SELENOI: variants seen among roughly 807,000 people sequenced by gnomAD.
SELENOI encodes ethanolaminephosphotransferase 1.
A neutral mutation model predicts 50.7 loss-of-function variants in SELENOI; 24 were observed. The ratio of observed to expected loss-of-function variants is 0.47; its 90% CI spans 0.34 to 0.67. The LOEUF (loss-of-function observed/expected upper bound fraction) is 0.67, where lower values mean the gene tolerates loss of function less well. SELENOI is among the 30% of genes least tolerant of loss of function. The pLI is 0.01. For synonymous variants in SELENOI, 155 were observed against 170.2 expected (o/e 0.91, Z 0.70); for missense variants, 352 against 461.4 (o/e 0.76, Z 2.17).
At chr2:26,346,375 C>G in intron 1 of SELENOI, 86 bp downstream of exon 1, 2 of 1,424,434 alleles carry the variant, frequency 1.4e-6, no homozygotes, top group Non-Finnish European at 9.2e-7. Context: ...TCCGTGTCAC[C>G]TTGTGCCGCG....
At chr2:26,354,068 T>C (rs1160064565) in intron 1 of SELENOI, among the ~76,000 whole-genome samples, 1 of 152,186 alleles carries the variant, frequency 6.6e-6, no homozygotes, top group African/African-American at 2.4e-5. Context: ...TCATAAATAC[T>C]GAATAACAAT....
chr2:26,380,941 A>G (rs1677679639), intron 6 of SELENOI, among the ~76,000 whole-genome samples: 1 of 151,606 alleles, frequency 6.6e-6, no homozygotes, highest in African/African-American at 2.4e-5. Context: ...CATCTCTCAA[A>G]CAGATTTTTT....
chr2:26,354,090 C>A (rs1677015180), intron 1 of SELENOI, among the ~76,000 whole-genome samples: 2 of 152,084 alleles, frequency 1.3e-5, no homozygotes, highest in African/African-American at 4.8e-5. Context: ...ATAATGATAG[C>A]AAACATTTAT....
chr2:26,355,050 G>A (rs780834837), intron 1 of SELENOI, among the ~76,000 whole-genome samples: 1 of 152,186 alleles, frequency 6.6e-6, no homozygotes, highest in Non-Finnish European at 1.5e-5. Flanking sequence ...TCTGTGAAAT[G>A]GAGTAGTACC....
At chr2:26,357,078 T>TA (rs35275222) in intron 1 of SELENOI, among the ~76,000 whole-genome samples, 17,814 of 152,198 alleles carry the variant, frequency 0.12, 2,496 homozygotes, top group African/African-American at 0.34. Context: ...TACTGCTTTA[T>TA]TACATGTGTA....
rs201315868 is a variant in SELENOI, at chr2:26,384,984, C to G, written c.757C>G (p.Leu253Val). The G allele has an allele frequency of 2.5e-6, 4 of 1,606,956 alleles. No individual in the cohort carries two copies. In the East Asian group the frequency reaches 8.9e-5, roughly 36 times the overall value. ...FRSYKNNTLK[L>V]NSVYEAMVPL... Reference sequence around the variant, plus strand: ...AAGCTATAAAAATAACACCTTGAAACTCAATTCAGTCTATGAAGCTATGGT... The same window carrying G: ...AAGCTATAAAAATAACACCTTGAAAGTCAATTCAGTCTATGAAGCTATGGT... The change falls in exon 8 of 10, where the codon CTC becomes GTC. Residue 253 changes from leucine (L) to valine (V), a missense_variant. Physicochemically the swap from Leu to Val is conservative, Grantham distance 32. Coordinates refer to ENST00000260585, the MANE Select transcript of SELENOI (RefSeq NM_033505.4).
At chr2:26,380,665 G>A (rs1166174268) in intron 6 of SELENOI, among the ~76,000 whole-genome samples, 1 of 152,190 alleles carries the variant, frequency 6.6e-6, no homozygotes, top group Non-Finnish European at 1.5e-5. Flanking sequence ...ATTGCTAGTA[G>A]AGGACAAATG....
rs766433491 is a variant in SELENOI at position 26,375,584 on chromosome 2, T to A, written c.682+436T>A. Among the ~76,000 whole-genome samples the A allele has an allele frequency of 3.9e-4, 60 of 152,242 alleles. 1 individual carries two copies. Among genetic ancestry groups the A allele is most frequent in the Non-Finnish European group, 8.4e-4 (57 of 68,042 alleles). Reference sequence around the variant, plus strand: ...CTATTCCTCTCAGATATCCTCTTTCTTAACCCACTGATTGCTAAAGATTTT... The same window carrying A: ...CTATTCCTCTCAGATATCCTCTTTCATAACCCACTGATTGCTAAAGATTTT... On this transcript the variant is annotated intron_variant, in intron 6 of 9. Coordinates refer to ENST00000260585, the MANE Select transcript of SELENOI (RefSeq NM_033505.4).
At chr2:26,367,384 T>A (rs1261105719) in intron 4 of SELENOI, among the ~76,000 whole-genome samples, 164 bp downstream of exon 4, 1 of 152,228 alleles carries the variant, frequency 6.6e-6, no homozygotes, top group Non-Finnish European at 1.5e-5. Context: ...TTACAAAAAA[T>A]TTTGTCATTC....
rs1180498641 is a variant in SELENOI at position 26,364,939 on chromosome 2, A to G, written c.234A>G (p.Ser78=). The change falls in exon 3 of 10, where the codon TCA becomes TCG. Residue 78 remains serine, a splice_region_variant and synonymous_variant. Transcript: ENST00000260585. The part of the protein sequence containing the change: ...MAYFDPDFYA[S]APGHKHVPDW... ...ACTTTGATCCTGACTTTTATGCCTC[A>G]GGTAAGAATATTACTTTATTATAAA... 4 of 1,574,232 alleles carry G rather than the reference A, an allele frequency of 2.5e-6. No homozygotes were observed. Among genetic ancestry groups the G allele is most frequent in the Non-Finnish European group, 3.5e-6 (4 of 1,157,310 alleles).
chr2:26,350,105 TC>T (rs1160097395), intron 1 of SELENOI, among the ~76,000 whole-genome samples: 7 of 144,436 alleles, frequency 4.8e-5, no homozygotes, highest in African/African-American at 2.0e-4. Context: ...AGACCCTGAC[TC>T]AAAAAAAAAA....
At chr2:26,364,255 T>C (rs987136063) in intron 1 of SELENOI, 47 bp from the exon 2 acceptor site, 2 of 1,299,082 alleles carry the variant, frequency 1.5e-6, no homozygotes, top group African/African-American at 2.9e-5. Context: ...TTCTGTCTAC[T>C]AGTAGGCAAG....
At chr2:26,387,907 A>G (rs1421777315) in intron 9 of SELENOI, among the ~76,000 whole-genome samples, 1 of 152,150 alleles carries the variant, frequency 6.6e-6, no homozygotes, top group South Asian at 2.1e-4. Context: ...GAAACAAAAT[A>G]TCTTCTGTAT....
intron 6 of SELENOI, among the ~76,000 whole-genome samples, chr2:26,380,215 C>T (rs1243944383): frequency 6.6e-6 from 1 of 152,208 alleles, no homozygotes; most frequent in Non-Finnish European, 1.5e-5. Context: ...AGTCTAGCTT[C>T]TGTTGTTACC....
chr2:26,359,231 A>G (rs575285662), intron 1 of SELENOI, among the ~76,000 whole-genome samples: 61 of 152,330 alleles, frequency 4.0e-4, no homozygotes, highest in South Asian at 3.1e-3. Flanking sequence ...GTATTAAACT[A>G]GACCTAGATA....
intron 1 of SELENOI, among the ~76,000 whole-genome samples, chr2:26,357,376 T>G (rs1255898813): frequency 1.3e-5 from 2 of 152,224 alleles, no homozygotes; most frequent in African/African-American, 4.8e-5. Context: ...GCACACTTCC[T>G]GCTCCACTTG....
At position 26,389,385 on chromosome 2, in the gene SELENOI, G is replaced by A; in HGVS notation, c.*282G>A. The A allele has an allele frequency of 3.4e-6, 1 of 293,364 alleles. No individual in the cohort carries two copies. Among genetic ancestry groups the A allele is most frequent in the Middle Eastern group, 1.1e-3 (1 of 948 alleles). The allele number at this position is 293,364 out of a possible 1,614,324, so 18.2% of individuals were successfully genotyped here. A position where few individuals can be genotyped will look rare whatever the true frequency, so the allele number is the denominator to read the frequency against. ...TCTAACTTCGTGAGTTTACAATGTT[G>A]TGATTCATGCAGGGTTAAAGATGCT... On this transcript the variant is annotated 3_prime_UTR_variant, in exon 10 of 10. Transcript: ENST00000260585.
At chr2:26,387,658 T>G (rs1677873654) in intron 9 of SELENOI, among the ~76,000 whole-genome samples, 1 of 140,186 alleles carries the variant, frequency 7.1e-6, no homozygotes, top group South Asian at 2.2e-4. Context: ...ATGGTGCCAC[T>G]GTGCTCCAGC....
chr2:26,361,141 G>T (rs965542502), intron 1 of SELENOI, among the ~76,000 whole-genome samples: 1 of 152,228 alleles, frequency 6.6e-6, no homozygotes, highest in African/African-American at 2.4e-5. Context: ...ATGAACCTGG[G>T]AGGCGGAGCT....
Sources: allele counts gnomAD v4.1 joint callset (sites outside exome capture counted in the v4.1 genomes callset), GRCh38; gene constraint gnomAD v4.1.1; transcripts MANE v1.5; gene names NCBI Gene and HGNC (gene_info 2026-07-23, HGNC 2026-07-21).